Variants in CEP72 observed in about 807,000 individuals in gnomAD.
The protein encoded by CEP72 is centrosomal protein of 72 kDa.
A neutral mutation model predicts 65.7 loss-of-function variants in CEP72; 78 were observed. That is an observed-to-expected ratio of 1.19 (90% CI 0.99 to 1.43). CEP72 has a LOEUF of 1.43. CEP72 is among the 40% of genes most tolerant of loss of function. The probability of loss-of-function intolerance (pLI) is 0.00; values close to 1 mark genes in which losing one functional copy is unlikely to be tolerated. For synonymous variants in CEP72, 358 were observed against 351.7 expected, an observed-to-expected ratio of 1.02 and a Z score of -0.20; for missense variants, 914 against 832.9, an observed-to-expected ratio of 1.10 and a Z score of -1.20.
chr5:648,673 G>A (rs1359016101), intron 11 of CEP72, among the ~76,000 whole-genome samples: 3 of 100,660 alleles, frequency 3.0e-5, no homozygotes, highest in East Asian at 4.6e-4. Flanking sequence ...GTGAGGTGTG[G>A]ACTGTGAGGC....
intron 6 of CEP72, 83 bp downstream of exon 6, chr5:635,667 T>C: frequency 8.7e-7 from 1 of 1,155,350 alleles, no homozygotes; most frequent in East Asian, 2.4e-5. Context: ...CAGAAGCTTA[T>C]GTGGCTCATG....
rs1396169861 is a variant in CEP72, at chr5:624,379, GAT to G, written c.404-91_404-90del. ...GTGGGAGCAGGGCTGGCCCCGAGGG[GAT>G]GGACACCCTGCCCCGTGTAGATGCC... On this transcript the variant is annotated intron_variant, in intron 3 of 11. Transcript: ENST00000264935. The surrounding 1 kb of genome is among the most constrained non-coding windows in gnomAD (Gnocchi z 4.7). The G allele has an allele frequency of 1.1e-5, 9 of 848,816 alleles. No homozygotes were observed. The South Asian group carries it at 1.1e-4, about 11-fold the overall frequency. 52.6% of individuals were successfully genotyped at this position (848,816 alleles called of 1,614,324 possible). A position where few individuals can be genotyped will look rare whatever the true frequency, so the allele number is the denominator to read the frequency against.
At position 633,831 on chromosome 5, in the gene CEP72, C is replaced by A; in HGVS notation, c.575C>A (p.Ala192Glu). 1 of 1,614,022 alleles carries A rather than the reference C, an allele frequency of 6.2e-7. No individual in the cohort carries two copies. The highest frequency in any genetic ancestry group is 8.5e-7 in the Non-Finnish European group (1 of 1,180,010). ...GCCAAGCAGAGCCTGGTCATGGATG[C>A]GGATGACGAGGCAGTCCTGAACCTC... ...ALAKQSLVMD[A>E]DDEAVLNLIA... The change falls in exon 5 of 12, where the codon GCG becomes GAG. Residue 192 changes from alanine (A) to glutamate (E), a missense_variant. Transcript: ENST00000264935.
chr5:624,432 C>A lies in CEP72; in HGVS notation c.404-39C>A. ...CCAGGGTGGATGCAGCCGCCCGCCG[C>A]TTGCCACCTGCACAGTCTTGTGTGG... On this transcript the variant is annotated intron_variant, in intron 3 of 11. Transcript: ENST00000264935. The surrounding 1 kb of genome is among the most constrained non-coding windows in gnomAD (Gnocchi z 4.7). The A allele has an allele frequency of 1.3e-6, 2 of 1,517,124 alleles. No individual in the cohort carries two copies. Among genetic ancestry groups the A allele is most frequent in the Non-Finnish European group, 1.8e-6 (2 of 1,091,938 alleles). 94.0% of individuals were successfully genotyped at this position (1,517,124 alleles called of 1,614,324 possible).
intron 11 of CEP72, among the ~76,000 whole-genome samples, chr5:651,164 T>A (rs140420675): frequency 2.1e-5 from 1 of 47,136 alleles, no homozygotes; most frequent in Non-Finnish European, 3.6e-5. Context: ...GACTGTGAGG[T>A]GTGACTGTGA....
chr5:653,035 T>C lies in CEP72; in HGVS notation c.1826T>C (p.Val609Ala). Residue 609 changes from valine (V) to alanine (A), a missense_variant, in exon 12 of 12, where the codon GTG becomes GCG. By Grantham distance (64) the Val-to-Ala change is moderately conservative (BLOSUM62 0). Coordinates refer to ENST00000264935, the MANE Select transcript of CEP72 (RefSeq NM_018140.4). ...CACCTGCTGCAGGAGCTGAGCCAGG[T>C]GCGGGCGCAGCACAGAGCCGAGGTG... ...NEHLLQELSQ[V>A]RAQHRAEVEQ... 1 of 1,613,608 alleles carries C rather than the reference T, an allele frequency of 6.2e-7. No homozygotes were observed. Among genetic ancestry groups the C allele is most frequent in the Admixed American group, 1.7e-5 (1 of 59,938 alleles).
Position 633,762 on chromosome 5 carries a change from C to T in CEP72, c.513-7C>T. The T allele has an allele frequency of 6.2e-7, 1 of 1,613,634 alleles. No individual in the cohort carries two copies. The highest frequency in any genetic ancestry group is 8.5e-7 in the Non-Finnish European group (1 of 1,179,784). On this transcript the variant is annotated splice_polypyrimidine_tract_variant and splice_region_variant and intron_variant, in intron 4 of 11. Transcript: ENST00000264935. ...AGTGATGCTGATGAGTTTGCTTTTC[C>T]TTACAGACCACACCACCCCAGAGCC... is the stretch of plus-strand genomic sequence containing the variant.
At chr5:665,690 C>A (rs1739870966) in intron 3 of CEP72, among the ~76,000 whole-genome samples, 1 of 128,512 alleles carries the variant, frequency 7.8e-6, no homozygotes, top group African/African-American at 3.0e-5. Context: ...CTCCCAGGAC[C>A]CACCCACCCC....
At chr5:640,854 TC>T in intron 9 of CEP72, 4 of 985,402 alleles carry the variant, frequency 4.1e-6, no homozygotes, top group South Asian at 9.4e-5. Flanking sequence ...CAAGGGACCC[TC>T]CACCACTGGG....
At chr5:638,116 G>A (rs1408646298) in intron 7 of CEP72, among the ~76,000 whole-genome samples, 1 of 152,218 alleles carries the variant, frequency 6.6e-6, no homozygotes, top group East Asian at 1.9e-4. Context: ...TTTGTTGGAC[G>A]TGTGCCTCTG....
Position 628,177 on chromosome 5 carries a change from C to T in CEP72, c.512+3598C>T, listed in dbSNP as rs544594960. ...GTGGACATTCAGACTCATTGTGTCCCGGCGTGAAAGCTTCAGTCATGGATT... is the reference window on the plus strand; with the variant it reads ...GTGGACATTCAGACTCATTGTGTCCTGGCGTGAAAGCTTCAGTCATGGATT... On this transcript the variant is annotated intron_variant, in intron 4 of 11. Transcript: ENST00000264935. 3.0e-4 allele frequency among the ~76,000 whole-genome samples: 46 copies of T among 152,336 alleles called. 1 individual carries two copies. The highest frequency in any genetic ancestry group is 9.9e-4 in the African/African-American group (41 of 41,566).
intron 3 of CEP72, among the ~76,000 whole-genome samples, chr5:622,379 C>T (rs1038716933): frequency 3.3e-5 from 5 of 152,254 alleles, no homozygotes; most frequent in Non-Finnish European, 7.3e-5. Context: ...CTCCCCTGGG[C>T]ACTGGGGGCT....
chr5:648,566 ACTGTGAGG>A (rs1561061289), intron 11 of CEP72, among the ~76,000 whole-genome samples: 14 of 106,280 alleles, frequency 1.3e-4, no homozygotes, highest in African/African-American at 4.8e-4. Context: ...TGAGGTGTGG[ACTGTGAGG>A]TGTGACTGTG....
chr5:626,401 TC>T (rs1180488882), intron 4 of CEP72, among the ~76,000 whole-genome samples: 2 of 152,226 alleles, frequency 1.3e-5, no homozygotes, highest in Non-Finnish European at 2.9e-5. Context: ...AAGGCTCTCT[TC>T]CACTCTCAGT....
chr5:619,920 C>T (rs1736272487), intron 2 of CEP72, 149 bp from the exon 3 acceptor site: 2 of 666,844 alleles, frequency 3.0e-6, no homozygotes, highest in African/African-American at 1.9e-5. Context: ...CAGATGAGAA[C>T]GTTTCATTTT....
chr5:640,542 C>T lies in CEP72; in HGVS notation c.1477C>T (p.Gln493Ter). The T allele has an allele frequency of 6.2e-7, 1 of 1,614,164 alleles. No individual in the cohort carries two copies. The highest frequency in any genetic ancestry group is 8.5e-7 in the Non-Finnish European group (1 of 1,180,046). ...SLQSRLAEQQ[Q>*]QHAREMSEVT... ...GCAAAGCCGCCTTGCTGAGCAGCAG[C>T]AGCAGCACGCCCGGGAGATGAGCGA... The change falls in exon 9 of 12, where the codon CAG becomes TAG. Residue 493 changes from glutamine (Q) to a stop codon, truncating the protein, a stop_gained. Coordinates refer to ENST00000264935, the MANE Select transcript of CEP72 (RefSeq NM_018140.4). LOFTEE classifies it high-confidence loss of function.
chr5:642,705 G>C (rs1251065075), intron 9 of CEP72: 1 of 985,338 alleles, frequency 1.0e-6, no homozygotes, highest in Non-Finnish European at 1.2e-6. Context: ...CTGTCAGGGT[G>C]AGTGATCCAG....
chr5:658,783 C>G, downstream of CEP72, among the ~76,000 whole-genome samples: 1 of 150,598 alleles, frequency 6.6e-6, no homozygotes, highest in South Asian at 2.1e-4. Context: ...ATTCTCCTGC[C>G]TCAGCCTCCC....
At chr5:628,482 T>C (rs77095405) in intron 4 of CEP72, among the ~76,000 whole-genome samples, 1,809 of 75,020 alleles carry the variant, frequency 0.024, 29 homozygotes, top group African/African-American at 0.078. Context: ...GAACTCAGGT[T>C]GCCGTCCCTG....
Sources: allele counts gnomAD v4.1 joint callset (sites outside exome capture counted in the v4.1 genomes callset), GRCh38; gene constraint gnomAD v4.1.1; non-coding constraint Gnocchi (gnomAD v3.1); transcripts MANE v1.5; gene names NCBI Gene and HGNC (gene_info 2026-07-23, HGNC 2026-07-21).